RUNDC3A: variants seen among roughly 807,000 people sequenced by gnomAD.
RUNDC3A encodes the protein RUN domain containing 3A.
RUNDC3A carries 28 observed loss-of-function variants against 53.9 expected under a neutral mutation model. That is an observed-to-expected ratio of 0.52 (90% CI 0.38 to 0.71). RUNDC3A has a LOEUF of 0.71. Among genes scored for constraint, RUNDC3A ranks in the 30% least tolerant of loss-of-function variants. The probability of loss-of-function intolerance (pLI) is 0.00; values close to 1 mark genes in which losing one functional copy is unlikely to be tolerated. For synonymous variants in RUNDC3A, 232 were observed against 249.4 expected (o/e 0.93, Z 0.66); for missense variants, 491 against 597.3 (o/e 0.82, Z 1.85).
At chr17:44,317,303 A>C (rs1319304062) in intron 10 of RUNDC3A, among the ~76,000 whole-genome samples, 4 of 152,030 alleles carry the variant, frequency 2.6e-5, no homozygotes, top group Non-Finnish European at 5.9e-5. Context: ...ATTCTTTGTA[A>C]ATGGGGATGT....
At chr17:44,316,199 C>T (rs1375111831) in intron 8 of RUNDC3A, among the ~76,000 whole-genome samples, 186 bp from the exon 9 acceptor site, 1 of 152,102 alleles carries the variant, frequency 6.6e-6, no homozygotes, top group East Asian at 1.9e-4. Flanking sequence ...TGCACGAATC[C>T]CTGTCACCCC....
chr17:44,316,898 T>C (rs1309745015), intron 10 of RUNDC3A, 173 bp downstream of exon 10: 19 of 517,104 alleles, frequency 3.7e-5, no homozygotes, highest in Non-Finnish European at 6.4e-5. Flanking sequence ...TCTCAGCTCA[T>C]TGCAACCTCT....
intron 4 of RUNDC3A, 59 bp from the exon 5 acceptor site, chr17:44,314,676 G>GGGT: frequency 1.9e-6 from 1 of 519,304 alleles, no homozygotes; most frequent in Non-Finnish European, 2.4e-6. Flanking sequence ...AGCAGCTCTG[G>GGGT]GGGGGGGGGG....
chr17:44,314,390 T>G (rs2047810654), intron 4 of RUNDC3A: 3 of 1,138,210 alleles, frequency 2.6e-6, no homozygotes, highest in South Asian at 5.1e-5. Context: ...TTCCTCAGTC[T>G]ACACGTTTCA....
chr17:44,310,930 CCG>C, intron 1 of RUNDC3A: 1 of 985,590 alleles, frequency 1.0e-6, no homozygotes, highest in Non-Finnish European at 1.2e-6. Context: ...AGCCACGACC[CCG>C]CTCCTCACCA....
chr17:44,313,671 A>C (rs1598326642), intron 4 of RUNDC3A, 168 bp downstream of exon 4: 2 of 1,318,112 alleles, frequency 1.5e-6, no homozygotes, highest in Non-Finnish European at 9.7e-7. Flanking sequence ...CAGTCCCAGG[A>C]CGAACTCTTT....
chr17:44,316,796 C>T (rs1325869063), intron 10 of RUNDC3A, 71 bp downstream of exon 10: 1 of 809,886 alleles, frequency 1.2e-6, no homozygotes, highest in South Asian at 1.7e-5. Context: ...GGCCTCAAGG[C>T]ATGTCCTCAT....
chr17:44,316,385 G>T lies in RUNDC3A; in HGVS notation c.954G>T (p.Leu318=). The change falls in exon 9 of 11, where the codon CTG becomes CTT. Residue 318 remains leucine (L), a splice_region_variant and synonymous_variant. Transcript: ENST00000426726. ...GCCTGACTCCTCCTCCCCCTCCCAG[G>T]ACAGGTCTGATCCCCAGTGACCACG... ...EGVILELQEQ[L]TGLIPSDHAP... 1 of 1,612,064 alleles carries T rather than the reference G, an allele frequency of 6.2e-7. No individual in the cohort carries two copies. Among genetic ancestry groups the T allele is most frequent in the Non-Finnish European group, 8.5e-7 (1 of 1,178,574 alleles).
At chr17:44,314,266 G>A (rs2047808159) in intron 4 of RUNDC3A, 3 of 1,009,128 alleles carry the variant, frequency 3.0e-6, no homozygotes, top group East Asian at 2.0e-4. Context: ...GGGGTTACAA[G>A]GAGGAGTGTG....
chr17:44,308,704 G>A lies in RUNDC3A; in HGVS notation c.-129G>A. 1.9e-6 allele frequency: 1 copy of A among 519,154 alleles called. No homozygotes were observed. The highest frequency in any genetic ancestry group is 3.4e-5 in the East Asian group (1 of 29,396). The allele number at this position is 519,154 out of a possible 1,614,324, so 32.2% of individuals were successfully genotyped here. ...GGGCCGGGCACCGGGCGCAAAGGCA[G>A]GGGGATGGCCATGGAAGGGTTGAGG... On this transcript the variant is annotated 5_prime_UTR_variant, in exon 1 of 11. Coordinates refer to ENST00000426726, the MANE Select transcript of RUNDC3A (RefSeq NM_001144825.2).
chr17:44,317,170 A>T (rs2047883516), intron 10 of RUNDC3A: 2 of 508,676 alleles, frequency 3.9e-6, no homozygotes, highest in Non-Finnish European at 7.1e-6. Context: ...TTGAGGGTTT[A>T]GCACAGCAAT....
Position 44,315,113 on chromosome 17 carries a change from G to A in RUNDC3A, c.630-42G>A, listed in dbSNP as rs1209429495. On this transcript the variant is annotated intron_variant, in intron 6 of 10. Transcript: ENST00000426726. This position sits in a 1 kb window ranked among gnomAD's most constrained non-coding sequence, Gnocchi z 6.1. Reference sequence around the variant, plus strand: ...CAGCGGCCAGCGCAGACGCGCGGGGGGAGGGGCGGGACCGGCCGTGCCCAC... The same window carrying A: ...CAGCGGCCAGCGCAGACGCGCGGGGAGAGGGGCGGGACCGGCCGTGCCCAC... The A allele has an allele frequency of 6.3e-7, 1 of 1,598,962 alleles. No homozygotes were observed. Among genetic ancestry groups the A allele is most frequent in the Non-Finnish European group, 8.5e-7 (1 of 1,172,476 alleles).
chr17:44,317,980 A>C, intron 10 of RUNDC3A, 116 bp from the exon 11 acceptor site: 1 of 1,060,270 alleles, frequency 9.4e-7, no homozygotes, highest in East Asian at 2.6e-5. Flanking sequence ...AATGCTGTGG[A>C]ATATGCCAAG....
chr17:44,312,394 C>T (rs1438056763), intron 1 of RUNDC3A, among the ~76,000 whole-genome samples, 186 bp from the exon 2 acceptor site: 1 of 152,136 alleles, frequency 6.6e-6, no homozygotes, highest in African/African-American at 2.4e-5. Context: ...GCCACCCTCT[C>T]ACTCCACATG....
intron 10 of RUNDC3A, chr17:44,316,998 T>C: frequency 2.2e-6 from 1 of 455,668 alleles, no homozygotes; most frequent in Non-Finnish European, 3.9e-6. Flanking sequence ...AATTTGTGTA[T>C]TTTTAGTAGA....
chr17:44,315,470 G>C lies in RUNDC3A; in HGVS notation c.814G>C (p.Val272Leu). Residue 272 changes from valine to leucine, a missense_variant, in exon 8 of 11, where the codon GTG becomes CTG. By Grantham distance (32) the Val-to-Leu change is conservative. This residue lies in a region of RUNDC3A where 273 missense variants were observed against 389.0 expected (regional missense o/e 0.70). Coordinates refer to ENST00000426726, the MANE Select transcript of RUNDC3A (RefSeq NM_001144825.2). This position sits in a 1 kb window ranked among gnomAD's most constrained non-coding sequence, Gnocchi z 6.1. ...YAQKGYLEELVRLRESQLKDL... is the reference protein window; with the variant it reads ...YAQKGYLEELLRLRESQLKDL... ...CCCGCAGGGCTACCTGGAGGAGCTGGTGCGTCTGCGCGAGTCGCAGCTGAA... is the reference window on the plus strand; with the variant it reads ...CCCGCAGGGCTACCTGGAGGAGCTGCTGCGTCTGCGCGAGTCGCAGCTGAA... The C allele has an allele frequency of 6.7e-7, 1 of 1,500,802 alleles. No homozygotes were observed. The highest frequency in any genetic ancestry group is 8.9e-7 in the Non-Finnish European group (1 of 1,125,994). 93.0% of individuals were successfully genotyped at this position (1,500,802 alleles called of 1,614,324 possible).
At chr17:44,317,967 G>A in intron 10 of RUNDC3A, 129 bp from the exon 11 acceptor site, 1 of 933,104 alleles carries the variant, frequency 1.1e-6, no homozygotes, top group East Asian at 2.7e-5. Flanking sequence ...ACTGAAAATG[G>A]CAAATGCTGT....
Position 44,318,200 on chromosome 17 carries a change from GAC to G in RUNDC3A, c.1305_1306del (p.Asp435GlufsTer64), listed in dbSNP as rs1426966043. On this transcript the variant is annotated frameshift_variant, in exon 11 of 11. Coordinates refer to ENST00000426726, the MANE Select transcript of RUNDC3A (RefSeq NM_001144825.2). LOFTEE classifies it high-confidence loss of function. ...SFKSNECLVSDSPEGSPALSP... is the reference protein window; with the variant it reads ...SFKSNECLVSXSPEGSPALSP... ...CAAATCCAACGAGTGCCTGGTGAGC[GAC>G]AGTCCCGAGGGCAGCCCAGCACTGA... 5.8e-6 allele frequency: 9 copies of G among 1,551,230 alleles called. No individual in the cohort carries two copies. The highest frequency in any genetic ancestry group is 1.4e-5 in the African/African-American group (1 of 73,046).
intron 10 of RUNDC3A, chr17:44,317,598 T>C: frequency 2.6e-6 from 2 of 775,434 alleles, no homozygotes; most frequent in Admixed American, 1.7e-5. Context: ...ATCCTAGTTC[T>C]CCCTATGCCT....
Sources: gnomAD v4.1 joint callset for allele counts (sites outside exome capture counted in the v4.1 genomes callset) on GRCh38, gnomAD v4.1.1 for gene constraint, gnomAD v4.1.1 regional missense constraint, Gnocchi (gnomAD v3.1) non-coding constraint, MANE v1.5 for transcripts, NCBI Gene and HGNC (gene_info 2026-07-23, HGNC 2026-07-21) for gene names.